The following DMD variants were observed in gnomAD, a reference collection of about 807,000 sequenced individuals.
DMD encodes the protein dystrophin.
A neutral mutation model predicts 330.1 loss-of-function variants in DMD; 63 were observed. The ratio of observed to expected loss-of-function variants is 0.19; its 90% CI spans 0.16 to 0.24. The LOEUF is 0.24. DMD is among the 10% of genes least tolerant of loss of function. DMD has a pLI of 1.00. For synonymous variants in DMD, 1,223 were observed against 959.8 expected, an observed-to-expected ratio of 1.27 and a Z score of -5.07; for missense variants, 3,344 against 2,684.1, an observed-to-expected ratio of 1.25 and a Z score of -5.43.
At chrX:31,246,016 A>G (rs2147388214) in intron 63 of DMD, among the ~76,000 whole-genome samples, 1 of 112,544 alleles carries the variant, frequency 8.9e-6, no homozygotes, top group Admixed American at 9.4e-5. Flanking sequence ...ACTGAAAGCT[A>G]GGCCTCTCAT....
At chrX:32,940,051 A>T (rs939450375) in intron 2 of DMD, among the ~76,000 whole-genome samples, 1 of 111,964 alleles carries the variant, frequency 8.9e-6, no homozygotes, top group Non-Finnish European at 1.9e-5. Flanking sequence ...TATAGAACCA[A>T]AAAGGAGCCC....
At chrX:32,797,037 G>C (rs1390308562) in intron 7 of DMD, among the ~76,000 whole-genome samples, 1 of 112,006 alleles carries the variant, frequency 8.9e-6, no homozygotes, top group Non-Finnish European at 1.9e-5. Context: ...GAAAACATAT[G>C]TACCAACCTA....
At chrX:33,314,464 G>T (rs756780890) in intron 1 of DMD, among the ~76,000 whole-genome samples, 57 of 107,927 alleles carry the variant, frequency 5.3e-4, no homozygotes, top group Non-Finnish European at 9.6e-4. Context: ...TACCATTTTG[G>T]CCAGGCAGGT....
chrX:32,355,178 G>T (rs779687625), intron 37 of DMD, among the ~76,000 whole-genome samples: 6 of 111,255 alleles, frequency 5.4e-5, no homozygotes, highest in Non-Finnish European at 1.1e-4. Flanking sequence ...TATTTGAAGT[G>T]AAATTGGGTA....
At chrX:31,471,238 AGCT>A (rs1170994071) in intron 59 of DMD, among the ~76,000 whole-genome samples, 1 of 111,678 alleles carries the variant, frequency 9.0e-6, no homozygotes, top group Non-Finnish European at 1.9e-5. Context: ...CTGCCCAAAC[AGCT>A]GCCCAATTTT....
chrX:32,074,359 A>G (rs2147825153), intron 44 of DMD, among the ~76,000 whole-genome samples: 1 of 111,759 alleles, frequency 8.9e-6, no homozygotes, highest in East Asian at 2.8e-4. Flanking sequence ...AGGGCTGAAT[A>G]CAAAGGGAGA....
intron 48 of DMD, among the ~76,000 whole-genome samples, chrX:31,866,847 T>G (rs777270030): frequency 1.1e-3 from 123 of 111,444 alleles, no homozygotes; most frequent in African/African-American, 3.9e-3. Context: ...GGACAAAATC[T>G]GAATGAACAT....
chrX:32,925,329 T>C (rs1362558339), intron 2 of DMD, among the ~76,000 whole-genome samples: 3 of 109,840 alleles, frequency 2.7e-5, no homozygotes, highest in Non-Finnish European at 3.8e-5. Context: ...AACCACAACA[T>C]TGTATTCCGG....
At chrX:31,714,666 A>G (rs983142581) in intron 52 of DMD, among the ~76,000 whole-genome samples, 1 of 112,192 alleles carries the variant, frequency 8.9e-6, no homozygotes, top group African/African-American at 3.2e-5. Context: ...TTCTATGTCA[A>G]AAACATATTT....
chrX:32,618,043 G>A (rs1365538691), intron 11 of DMD, among the ~76,000 whole-genome samples: 1 of 111,715 alleles, frequency 9.0e-6, no homozygotes, highest in African/African-American at 3.2e-5. Context: ...GCAAAGAAAA[G>A]GGAACACTTA....
intron 5 of DMD, among the ~76,000 whole-genome samples, chrX:32,822,383 C>T (rs990214753): frequency 9.1e-6 from 1 of 110,406 alleles, no homozygotes; most frequent in Non-Finnish European, 1.9e-5. Flanking sequence ...TATATATACA[C>T]ATACATATTT....
At position 31,620,006 on chromosome X, in the gene DMD, T is replaced by C. The variant is rs185978542; in HGVS notation, c.8217+7667A>G. Reference sequence around the variant, plus strand: ...GACCAGTCCTGAACATTTGTCCCCATTGACTCCCTTTTCTAAACTTTTAAT... The same window carrying C: ...GACCAGTCCTGAACATTTGTCCCCACTGACTCCCTTTTCTAAACTTTTAAT... On this transcript the variant is annotated intron_variant, in intron 55 of 78. Coordinates refer to ENST00000357033, the MANE Select transcript of DMD (RefSeq NM_004006.3). 1.1e-4 allele frequency among the ~76,000 whole-genome samples: 12 copies of C among 112,456 alleles called. No homozygotes were observed. The East Asian group carries it at 1.7e-3, about 16-fold the overall frequency.
At chrX:31,178,559 G>A in intron 70 of DMD, 110 bp downstream of exon 70, 1 of 1,034,269 alleles carries the variant, frequency 9.7e-7, no homozygotes, top group Admixed American at 3.4e-5. Flanking sequence ...TAAATAAAAA[G>A]AAAGAAATAG....
At chrX:32,064,508 G>A (rs750535693) in intron 44 of DMD, among the ~76,000 whole-genome samples, 1 of 111,325 alleles carries the variant, frequency 9.0e-6, no homozygotes, top group Non-Finnish European at 1.9e-5. Context: ...CTTGGCAAAC[G>A]TTAAACAAGT....
chrX:32,514,414 G>A (rs905628846), intron 18 of DMD, among the ~76,000 whole-genome samples: 2 of 111,929 alleles, frequency 1.8e-5, no homozygotes, highest in Non-Finnish European at 3.8e-5. Flanking sequence ...TAGGATGCAC[G>A]GAAAGCTTAT....
At chrX:33,169,421 G>A (rs965746616) in intron 1 of DMD, among the ~76,000 whole-genome samples, 2 of 111,463 alleles carry the variant, frequency 1.8e-5, no homozygotes, top group East Asian at 5.6e-4. Flanking sequence ...CTGATTTCAA[G>A]TGTTTGCTTC....
chrX:32,842,875 T>A (rs956854768), intron 4 of DMD, among the ~76,000 whole-genome samples: 12 of 111,390 alleles, frequency 1.1e-4, no homozygotes, highest in Non-Finnish European at 2.3e-4. Context: ...TGGCACGATC[T>A]CCACTCACTG....
intron 52 of DMD, among the ~76,000 whole-genome samples, chrX:31,718,135 A>G (rs2085197637): frequency 8.9e-6 from 1 of 112,246 alleles, no homozygotes; most frequent in South Asian, 3.7e-4. Flanking sequence ...CTTTATCTTA[A>G]TATTGAAAGA....
intron 60 of DMD, among the ~76,000 whole-genome samples, chrX:31,428,185 G>T (rs2063819213): frequency 9.0e-6 from 1 of 111,693 alleles, no homozygotes; most frequent in African/African-American, 3.3e-5. Flanking sequence ...GCCCGGTGGG[G>T]GAGACTGGAT....
Sources: allele counts gnomAD v4.1 joint callset (sites outside exome capture counted in the v4.1 genomes callset), GRCh38; gene constraint gnomAD v4.1.1; transcripts MANE v1.5; gene names NCBI Gene and HGNC (gene_info 2026-07-23, HGNC 2026-07-21).